The following SAMD5 variants were observed in gnomAD, a reference collection of about 807,000 sequenced individuals.
SAMD5 encodes sterile alpha motif domain containing 5.
SAMD5 carries 13 observed loss-of-function variants against 11.3 expected under a neutral mutation model. That is an observed-to-expected ratio of 1.15 (90% CI 0.75 to 1.83). The LOEUF is 1.83. SAMD5 is among the 40% of genes most tolerant of loss of function. SAMD5 has a pLI of 0.00. For missense variants in SAMD5, 255 were observed against 239.1 expected (o/e 1.07, Z -0.44); for synonymous variants, 129 against 111.3 (o/e 1.16, Z -1.00).
intron 1 of SAMD5, among the ~76,000 whole-genome samples, chr6:147,703,907 T>G (rs1252484575): frequency 6.6e-6 from 1 of 152,134 alleles, no homozygotes; most frequent in Non-Finnish European, 1.5e-5. Context: ...ATTTATTTAT[T>G]TATTTTTAGA....
chr6:147,621,713 C>A (rs1789971869), intron 1 of SAMD5, among the ~76,000 whole-genome samples: 1 of 152,190 alleles, frequency 6.6e-6, no homozygotes, highest in Non-Finnish European at 1.5e-5. Context: ...TTGTTCCCTG[C>A]TCTCCCTCCC....
chr6:147,547,023 C>G (rs1370776248), intron 1 of SAMD5, among the ~76,000 whole-genome samples: 2 of 152,170 alleles, frequency 1.3e-5, no homozygotes, highest in Non-Finnish European at 2.9e-5. Context: ...TAGTCGGTCC[C>G]ACTTTGGGTC....
chr6:147,567,669 G>T lies in SAMD5; in HGVS notation c.*3213G>T. 1.0e-6 allele frequency: 1 copy of T among 985,328 alleles called. No homozygotes were observed. Among genetic ancestry groups the T allele is most frequent in the Non-Finnish European group, 1.2e-6 (1 of 829,924 alleles). The allele number at this position is 985,328 out of a possible 1,614,324, so 61.0% of individuals were successfully genotyped here. On this transcript the variant is annotated 3_prime_UTR_variant, in exon 2 of 2. Transcript: ENST00000367474. ...CTCTCCCTTCCCTTCTTTACTCTCA[G>T]TTGTCTTATTTCTTCTTATGCAGAA... is the stretch of plus-strand genomic sequence containing the variant.
At chr6:147,635,451 ACT>A (rs1790214781) in intron 1 of SAMD5, among the ~76,000 whole-genome samples, 2 of 152,114 alleles carry the variant, frequency 1.3e-5, no homozygotes, top group Admixed American at 1.3e-4. Context: ...CATTTGATTG[ACT>A]CTGTTGCCTA....
chr6:147,621,864 ATG>A (rs140524492), intron 1 of SAMD5, among the ~76,000 whole-genome samples: 10,654 of 152,256 alleles, frequency 0.07, 439 homozygotes, highest in Middle Eastern at 0.13. Context: ...CTGGAGAGCC[ATG>A]TGTCTTCAGC....
chr6:147,655,498 C>T (rs1341626645), intron 1 of SAMD5, among the ~76,000 whole-genome samples: 1 of 152,078 alleles, frequency 6.6e-6, no homozygotes, highest in African/African-American at 2.4e-5. Flanking sequence ...TAGAATACTA[C>T]TGAATGGACA....
intron 1 of SAMD5, among the ~76,000 whole-genome samples, chr6:147,587,792 T>A (rs1476424160): frequency 6.6e-6 from 1 of 152,146 alleles, no homozygotes; most frequent in East Asian, 1.9e-4. Flanking sequence ...ACGTAGTTTG[T>A]TCTTCCCAGT....
chr6:147,640,769 C>G (rs1041019932), intron 1 of SAMD5, among the ~76,000 whole-genome samples: 1 of 152,078 alleles, frequency 6.6e-6, no homozygotes, highest in African/African-American at 2.4e-5. Context: ...GGAAAAGCAC[C>G]TAGAAAAGTT....
Position 147,577,347 on chromosome 6 carries a change from A to C in SAMD5, c.162+67960A>C, listed in dbSNP as rs188826338. Reference sequence around the variant, plus strand: ...ACCAATACAAAGAAGAGTAATATTTATACACATGTTTAAAAGAGAAGTTAA... The same window carrying C: ...ACCAATACAAAGAAGAGTAATATTTCTACACATGTTTAAAAGAGAAGTTAA... On this transcript the variant is annotated intron_variant, in intron 1 of 1. Transcript: ENST00000566741. Among the ~76,000 whole-genome samples the C allele has an allele frequency of 1.9e-3, 291 of 152,360 alleles. 9 individuals carry two copies. The South Asian group carries it at 0.05, about 26-fold the overall frequency.
chr6:147,726,165 A>T (rs1044919791), intron 1 of SAMD5, among the ~76,000 whole-genome samples: 1 of 152,230 alleles, frequency 6.6e-6, no homozygotes, highest in African/African-American at 2.4e-5. Flanking sequence ...TGCTTCAATG[A>T]GGCTGTTCAC....
At chr6:147,765,349 T>G in the SAMD5 span, among the ~76,000 whole-genome samples, 2 of 152,218 alleles carry the variant, frequency 1.3e-5, no homozygotes, top group Non-Finnish European at 2.9e-5. Context: ...TTCTTCATCA[T>G]AAATACCTGT....
intron 1 of SAMD5, among the ~76,000 whole-genome samples, chr6:147,634,974 TAG>T (rs1308549499): frequency 5.9e-5 from 9 of 152,172 alleles, no homozygotes; most frequent in Admixed American, 1.3e-4. Flanking sequence ...AGAAGGCTCA[TAG>T]ATAGAGTGGT....
the SAMD5 span, among the ~76,000 whole-genome samples, chr6:147,772,564 T>G: frequency 2.6e-5 from 4 of 152,062 alleles, no homozygotes; most frequent in African/African-American, 9.7e-5. Flanking sequence ...GATCAAGGTG[T>G]TACAGGGTTG....
chr6:147,746,930 C>T, the SAMD5 span, among the ~76,000 whole-genome samples: 2 of 152,176 alleles, frequency 1.3e-5, no homozygotes, highest in Admixed American at 1.3e-4. Context: ...ACACATGTAA[C>T]TCTATCAGGA....
At chr6:147,585,502 T>C (rs960791133) in intron 1 of SAMD5, among the ~76,000 whole-genome samples, 2 of 152,110 alleles carry the variant, frequency 1.3e-5, no homozygotes, top group African/African-American at 4.8e-5. Flanking sequence ...AACTTAGTAA[T>C]GGGAAGGCAC....
chr6:147,935,591 A>G, the SAMD5 span, among the ~76,000 whole-genome samples: 1 of 150,890 alleles, frequency 6.6e-6, no homozygotes, highest in African/African-American at 2.5e-5. Flanking sequence ...TAAGTATTTC[A>G]ATATCATGAA....
the SAMD5 span, among the ~76,000 whole-genome samples, chr6:147,835,331 C>T: frequency 1.3e-5 from 2 of 151,936 alleles, no homozygotes; most frequent in African/African-American, 4.8e-5. Context: ...AGCTGTGAGC[C>T]TCTGGCTCCA....
At chr6:147,820,620 G>C in the SAMD5 span, among the ~76,000 whole-genome samples, 1 of 152,178 alleles carries the variant, frequency 6.6e-6, no homozygotes, top group African/African-American at 2.4e-5. Context: ...GGAGACCATA[G>C]TAGTCTGAAC....
chr6:147,763,661 A>G, the SAMD5 span, among the ~76,000 whole-genome samples: 1 of 151,736 alleles, frequency 6.6e-6, no homozygotes, highest in African/African-American at 2.4e-5. Flanking sequence ...GCTCACTGCA[A>G]GCTCTGCCTC....
Sources: gnomAD v4.1 joint callset for allele counts (sites outside exome capture counted in the v4.1 genomes callset) on GRCh38, gnomAD v4.1.1 for gene constraint, MANE v1.5 for transcripts, NCBI Gene and HGNC (gene_info 2026-07-23, HGNC 2026-07-21) for gene names.